Variants in CCDC88A observed in about 807,000 individuals in gnomAD.
The protein encoded by CCDC88A is coiled-coil and HOOK domain protein 88A.
In CCDC88A, 54 loss-of-function variants were observed where a neutral mutation model predicts 234.3. That is an observed-to-expected ratio of 0.23 (90% CI 0.19 to 0.29). The LOEUF is 0.29. Ranked by LOEUF, CCDC88A falls within the 10% of genes least tolerant of loss-of-function variation. CCDC88A has a pLI of 1.00. For synonymous variants in CCDC88A, 753 were observed against 737.8 expected, an observed-to-expected ratio of 1.02 and a Z score of -0.33; for missense variants, 1,832 against 2,123.4, an observed-to-expected ratio of 0.86 and a Z score of 2.70.
intron 9 of CCDC88A, 42 bp downstream of exon 9, chr2:55,349,476 A>T (rs1201849213): frequency 7.4e-7 from 1 of 1,344,180 alleles, no homozygotes; most frequent in East Asian, 2.3e-5. Context: ...TCAATTTCCA[A>T]TTACTTGGTG....
Position 55,364,030 on chromosome 2 carries a change from G to A in CCDC88A, c.406C>T (p.Gln136Ter), listed in dbSNP as rs1266278610. 6.8e-7 allele frequency: 1 copy of A among 1,474,868 alleles called. No individual in the cohort carries two copies. Among genetic ancestry groups the A allele is most frequent in the Non-Finnish European group, 9.4e-7 (1 of 1,063,424 alleles). 91.4% of individuals were successfully genotyped at this position (1,474,868 alleles called of 1,614,324 possible). The change falls in exon 6 of 33, where the codon CAG becomes TAG. Residue 136 changes from glutamine (Q) to a stop codon, truncating the protein, a stop_gained. Transcript: ENST00000436346. LOFTEE classifies it high-confidence loss of function. Reference protein sequence around the residue: ...LLLLGCAVQCQKKEEFIERIQ... With the variant: ...LLLLGCAVQC ...CTTTCAATAAATTCCTCTTTTTTCT[G>A]ACACTAAAATAAATGAATAAAATAG...
intron 8 of CCDC88A, 62 bp from the exon 9 acceptor site, chr2:55,349,661 G>C: frequency 9.1e-7 from 1 of 1,101,008 alleles, no homozygotes; most frequent in Admixed American, 1.9e-5. Context: ...CATCATCTGC[G>C]TTAATATAAA....
intron 2 of CCDC88A, among the ~76,000 whole-genome samples, chr2:55,416,714 G>A (rs1681554974): frequency 6.6e-6 from 1 of 151,212 alleles, no homozygotes; most frequent in South Asian, 2.1e-4. Flanking sequence ...AGTTACAACT[G>A]ACACTTTATA....
At chr2:55,301,623 G>C in intron 27 of CCDC88A, 1 of 556,470 alleles carries the variant, frequency 1.8e-6, no homozygotes, top group Non-Finnish European at 3.2e-6. Flanking sequence ...CTCTTTACCT[G>C]GTTTACTTCT....
At chr2:55,319,070 G>C in intron 18 of CCDC88A, 66 bp from the exon 19 acceptor site, 1 of 1,303,764 alleles carries the variant, frequency 7.7e-7, no homozygotes, top group Non-Finnish European at 1.1e-6. Flanking sequence ...TGTTTCTATA[G>C]TATACTGAAT....
At chr2:55,382,197 C>A (rs1674708739) in intron 3 of CCDC88A, among the ~76,000 whole-genome samples, 1 of 152,060 alleles carries the variant, frequency 6.6e-6, no homozygotes, top group Non-Finnish European at 1.5e-5. Flanking sequence ...CTTATTATAA[C>A]AGACATTAAA....
intron 29 of CCDC88A, among the ~76,000 whole-genome samples, chr2:55,297,329 AATATATAAATTTATATATT>A (rs1558622187): frequency 6.5e-5 from 1 of 15,354 alleles, no homozygotes; most frequent in African/African-American, 1.3e-4. Flanking sequence ...TATAATATAT[AATATATAAATTTATATATT>A]ATATATAAAT....
chr2:55,351,576 G>T (rs1018605061), intron 8 of CCDC88A, among the ~76,000 whole-genome samples: 3 of 152,084 alleles, frequency 2.0e-5, no homozygotes, highest in African/African-American at 7.2e-5. Context: ...AAACTCCTGA[G>T]CTCAAGCAAT....
At chr2:55,349,491 TA>T (rs760632124) in intron 9 of CCDC88A, 26 bp downstream of exon 9, 1 of 1,502,264 alleles carries the variant, frequency 6.7e-7, no homozygotes, top group East Asian at 2.3e-5. Context: ...TTGGTGGTCC[TA>T]AATAACAGAT....
At chr2:55,326,445 C>T (rs372979929) in intron 17 of CCDC88A, among the ~76,000 whole-genome samples, 1 of 152,108 alleles carries the variant, frequency 6.6e-6, no homozygotes, top group Non-Finnish European at 1.5e-5. Flanking sequence ...CACAGTCTAC[C>T]TTAAAGTGAA....
intron 10 of CCDC88A, 30 bp downstream of exon 10, chr2:55,346,145 A>G (rs1373261420): frequency 2.6e-6 from 4 of 1,525,566 alleles, no homozygotes; most frequent in Non-Finnish European, 3.5e-6. Context: ...ACAGAAAAAA[A>G]AATCATGAAT....
intron 30 of CCDC88A, 96 bp from the exon 31 acceptor site, chr2:55,296,152 T>C: frequency 7.6e-7 from 1 of 1,316,814 alleles, no homozygotes; most frequent in East Asian, 2.4e-5. Context: ...TTGTGGTACC[T>C]CTTAATACTC....
At chr2:55,411,694 T>C (rs6732759) in intron 2 of CCDC88A, among the ~76,000 whole-genome samples, 139,777 of 151,022 alleles carry the variant, frequency 0.93, 64,842 homozygotes, top group African/African-American at 0.97. Flanking sequence ...ACAGGAGAAT[T>C]GGTTGAACCT....
In CCDC88A at chr2:55,299,880, G is replaced by T; in HGVS notation, c.4784C>A (p.Thr1595Asn). 6.2e-7 allele frequency: 1 copy of T among 1,613,752 alleles called. No individual in the cohort carries two copies. Among genetic ancestry groups the T allele is most frequent in the Non-Finnish European group, 8.5e-7 (1 of 1,179,798 alleles). ...PASLDSGRTS[T>N]SNSNNNASLH... ...TGAAGCATTATTATTGCTATTGCTA[G>T]TGGATGTTCTGCCACTATCAAGGCT... Residue 1595 changes from threonine (T) to asparagine (N), a missense_variant, in exon 29 of 33, where the codon ACT (threonine) becomes AAT (asparagine). This residue lies in a region of CCDC88A where 422 missense variants were observed against 416.5 expected (regional missense o/e 1.01). Coordinates refer to ENST00000436346, the MANE Select transcript of CCDC88A (RefSeq NM_001365480.1).
chr2:55,318,754 A>G (rs1181876407), intron 19 of CCDC88A, 89 bp downstream of exon 19: 3 of 1,065,914 alleles, frequency 2.8e-6, no homozygotes, highest in Non-Finnish European at 3.9e-6. Flanking sequence ...TCATTCACTA[A>G]GAAACAATGT....
At chr2:55,406,129 G>C (rs1028746754) in intron 2 of CCDC88A, 1 of 147,082 alleles carries the variant, frequency 6.8e-6, no homozygotes, top group African/African-American at 2.5e-5. Flanking sequence ...CTGCACTCCA[G>C]TAGCCTGGGC....
At chr2:55,320,697 T>G (rs570129204) in intron 18 of CCDC88A, 5 of 152,338 alleles carry the variant, frequency 3.3e-5, no homozygotes, top group African/African-American at 9.6e-5. Context: ...TAACTCATAA[T>G]TTTAAATGTG....
chr2:55,289,332 A>G lies in CCDC88A; in HGVS notation c.*1868T>C, dbSNP rs549101437. On this transcript the variant is annotated 3_prime_UTR_variant, in exon 33 of 33. Coordinates refer to ENST00000436346, the MANE Select transcript of CCDC88A (RefSeq NM_001365480.1). ...CCCACTAACTGTATTTAGCCATAAC[A>G]TAATTTCTATGTTTACTTTTATCCA... The G allele has an allele frequency of 2.2e-4, 33 of 152,752 alleles. No homozygotes were observed. Among genetic ancestry groups the G allele is most frequent in the African/African-American group, 7.0e-4 (29 of 41,580 alleles). 9.5% of individuals were successfully genotyped at this position (152,752 alleles called of 1,614,324 possible).
rs138626530 is a variant in CCDC88A at position 55,309,857 on chromosome 2, G to C, written c.4080-603C>G. ...AATAAATAGCTTTGTTTACAATATA[G>C]GAGAGAAGATATATCCATAAATTAA... On this transcript the variant is annotated intron_variant, in intron 23 of 32. Transcript: ENST00000436346. This position sits in a 1 kb window ranked among gnomAD's most constrained non-coding sequence, Gnocchi z 5.1. Among the ~76,000 whole-genome samples, 769 of 152,150 alleles carry C rather than the reference G, an allele frequency of 5.1e-3. 11 individuals are homozygous for C. Among genetic ancestry groups the C allele is most frequent in the African/African-American group, 0.018 (743 of 41,520 alleles).
Sources: gnomAD v4.1 joint callset for allele counts (sites outside exome capture counted in the v4.1 genomes callset) on GRCh38, gnomAD v4.1.1 for gene constraint, gnomAD v4.1.1 regional missense constraint, Gnocchi (gnomAD v3.1) non-coding constraint, MANE v1.5 for transcripts, NCBI Gene and HGNC (gene_info 2026-07-23, HGNC 2026-07-21) for gene names.